Variants in ACTR3 observed in about 807,000 individuals in gnomAD.
The protein encoded by ACTR3 is actin-related protein 3.
A neutral mutation model predicts 56.8 loss-of-function variants in ACTR3; 12 were observed. That is an observed-to-expected ratio of 0.21 (90% CI 0.14 to 0.34). ACTR3 has a LOEUF of 0.34. Ranked by LOEUF, ACTR3 falls within the 10% of genes least tolerant of loss-of-function variation. ACTR3 has a pLI of 1.00. For missense variants in ACTR3, 282 were observed against 512.5 expected, an observed-to-expected ratio of 0.55 and a Z score of 4.34; for synonymous variants, 162 against 167.4, an observed-to-expected ratio of 0.97 and a Z score of 0.25.
At chr2:113,951,277 C>T (rs1030718021) in intron 8 of ACTR3, 5 of 453,474 alleles carry the variant, frequency 1.1e-5, no homozygotes, top group Non-Finnish European at 2.0e-5. Context: ...GTTTGCTATT[C>T]TGATAGTTAT....
At chr2:113,954,418 A>T (rs4849297) in intron 10 of ACTR3, 130,112 of 152,112 alleles carry the variant, frequency 0.86, 55,928 homozygotes, top group African/African-American at 0.9. Context: ...TGTTTTTAAG[A>T]CTTGTTTTAC....
intron 1 of ACTR3, among the ~76,000 whole-genome samples, chr2:113,905,460 G>A (rs1008972036): frequency 1.5e-4 from 21 of 144,106 alleles, no homozygotes; most frequent in African/African-American, 3.7e-4. Flanking sequence ...ACAAGACTCC[G>A]TCTCAAAAAA....
chr2:113,927,488 T>G, intron 4 of ACTR3, 33 bp downstream of exon 4: 2 of 1,403,480 alleles, frequency 1.4e-6, no homozygotes, highest in Non-Finnish European at 2.0e-6. Flanking sequence ...ACTGAGGAAA[T>G]TTTTGAATAC....
intron 5 of ACTR3, among the ~76,000 whole-genome samples, chr2:113,933,609 A>T (rs1463647460): frequency 2.0e-5 from 3 of 152,056 alleles, no homozygotes; most frequent in Non-Finnish European, 4.4e-5. Context: ...TTTCTGCCTT[A>T]CATTGCAGTT....
At chr2:113,916,838 C>T (rs1013853407) in intron 2 of ACTR3, 46 bp from the exon 3 acceptor site, 5 of 1,540,632 alleles carry the variant, frequency 3.2e-6, no homozygotes, top group Non-Finnish European at 4.4e-6. Context: ...AAGTTTTTCT[C>T]ATTTGAGGAA....
intron 8 of ACTR3, among the ~76,000 whole-genome samples, chr2:113,944,968 A>T (rs1354377334): frequency 2.0e-5 from 3 of 152,146 alleles, no homozygotes; most frequent in Non-Finnish European, 4.4e-5. Context: ...AAAGGTTTTG[A>T]TAAAGCAGAG....
intron 5 of ACTR3, 95 bp downstream of exon 5, chr2:113,931,491 G>C (rs1310032114): frequency 3.0e-6 from 2 of 661,402 alleles, no homozygotes; most frequent in South Asian, 6.2e-5. Context: ...TTTCTGCAAA[G>C]GTTTAAACAT....
At chr2:113,937,656 T>C (rs1030944714) in intron 6 of ACTR3, among the ~76,000 whole-genome samples, 3 of 152,248 alleles carry the variant, frequency 2.0e-5, no homozygotes, top group Non-Finnish European at 4.4e-5. Flanking sequence ...CCTGTAGATG[T>C]CACTCCACTG....
At chr2:113,931,470 C>CTT (rs200938275) in intron 5 of ACTR3, 74 bp downstream of exon 5, 4,243 of 682,416 alleles carry the variant, frequency 6.2e-3, no homozygotes, top group East Asian at 0.039. Context: ...AAAATACGTA[C>CTT]TTTTTTTTTT....
intron 3 of ACTR3, among the ~76,000 whole-genome samples, chr2:113,923,490 C>T (rs182674451): frequency 3.3e-5 from 5 of 152,156 alleles, no homozygotes; most frequent in Non-Finnish European, 5.9e-5. Flanking sequence ...CGCCCACCAC[C>T]GTGCCCGGCT....
chr2:113,897,515 GTTATTTT>G (rs1232173264), intron 1 of ACTR3, among the ~76,000 whole-genome samples: 12 of 134,106 alleles, frequency 8.9e-5, no homozygotes, highest in African/African-American at 2.6e-4. Flanking sequence ...GTGGCCAGAT[GTTATTTT>G]TTTTTTTTTT....
At position 113,962,374 on chromosome 2, in the gene ACTR3, C is replaced by G. The variant is rs1057466560; in HGVS notation, c.*4919C>G. On this transcript the variant is annotated 3_prime_UTR_variant, in exon 12 of 12. Transcript: ENST00000263238. ...TAACATTCAACATTAACAGTAGAAA[C>G]AGGCCTCATTTCTCCCTCTGGCTTT... 7.2e-5 allele frequency: 11 copies of G among 151,934 alleles called. No individual in the cohort carries two copies. Among genetic ancestry groups the G allele is most frequent in the Non-Finnish European group, 1.6e-4 (11 of 67,892 alleles). The allele number at this position is 151,934 out of a possible 1,614,324, so 9.4% of individuals were successfully genotyped here.
intron 6 of ACTR3, among the ~76,000 whole-genome samples, chr2:113,936,566 T>C (rs987505600): frequency 8.5e-5 from 13 of 152,232 alleles, no homozygotes; most frequent in African/African-American, 2.4e-5. Flanking sequence ...TACAACAGCT[T>C]TGACCTTCTA....
At chr2:113,906,181 C>T (rs1283267301) in intron 1 of ACTR3, among the ~76,000 whole-genome samples, 1 of 152,166 alleles carries the variant, frequency 6.6e-6, no homozygotes, top group Non-Finnish European at 1.5e-5. Flanking sequence ...AATAGCCATC[C>T]TAATGGGTGT....
intron 7 of ACTR3, among the ~76,000 whole-genome samples, chr2:113,940,306 T>C (rs1337699882): frequency 6.6e-6 from 1 of 152,196 alleles, no homozygotes; most frequent in Non-Finnish European, 1.5e-5. Context: ...TTTCTTCATA[T>C]TTTATATTTG....
Position 113,928,268 on chromosome 2 carries a change from A to G in ACTR3, c.336+813A>G, listed in dbSNP as rs1679655659. 2.6e-5 allele frequency among the ~76,000 whole-genome samples: 4 copies of G among 152,152 alleles called. No homozygotes were observed. In the South Asian group the frequency reaches 6.2e-4, roughly 24 times the overall value. Reference sequence around the variant, plus strand: ...ATACTATGGACACTCATACACCCACAATCTAGATTCGATGATTAACCTTAA... The same window carrying G: ...ATACTATGGACACTCATACACCCACGATCTAGATTCGATGATTAACCTTAA... On this transcript the variant is annotated intron_variant, in intron 4 of 11. Transcript: ENST00000263238.
chr2:113,935,212 T>C (rs1292582636), intron 6 of ACTR3, among the ~76,000 whole-genome samples: 1 of 151,918 alleles, frequency 6.6e-6, no homozygotes, highest in Admixed American at 6.6e-5. Context: ...TAGCTTAAGA[T>C]AAAATTCATA....
chr2:113,909,101 G>T (rs954054221), intron 1 of ACTR3, among the ~76,000 whole-genome samples: 1 of 152,006 alleles, frequency 6.6e-6, no homozygotes, highest in Non-Finnish European at 1.5e-5. Flanking sequence ...TTAAATCTAA[G>T]GTAGTAGAAC....
intron 3 of ACTR3, among the ~76,000 whole-genome samples, chr2:113,917,545 G>A (rs536846910): frequency 6.6e-6 from 1 of 152,174 alleles, no homozygotes; most frequent in African/African-American, 2.4e-5. Flanking sequence ...TAGTAACCCT[G>A]AAGCTTTCCT....
Sources: allele counts gnomAD v4.1 joint callset (sites outside exome capture counted in the v4.1 genomes callset), GRCh38; gene constraint gnomAD v4.1.1; transcripts MANE v1.5; gene names NCBI Gene and HGNC (gene_info 2026-07-23, HGNC 2026-07-21).